Variants in CLEC16A observed in about 807,000 individuals in gnomAD.
CLEC16A encodes the protein protein CLEC16A.
In CLEC16A, 51 loss-of-function variants were observed where a neutral mutation model predicts 109.5. That is an observed-to-expected ratio of 0.47 (90% CI 0.37 to 0.59). The LOEUF (loss-of-function observed/expected upper bound fraction) is 0.59, where lower values mean the gene tolerates loss of function less well. Among genes scored for constraint, CLEC16A ranks in the 20% least tolerant of loss-of-function variants. The pLI, the probability that CLEC16A is intolerant of heterozygous loss-of-function variation, is 0.00. For missense variants in CLEC16A, 1,339 were observed against 1,394.0 expected (o/e 0.96, Z 0.63); for synonymous variants, 673 against 564.2 (o/e 1.19, Z -2.73).
intron 10 of CLEC16A, among the ~76,000 whole-genome samples, chr16:10,996,089 C>T (rs983669489): frequency 1.3e-5 from 2 of 152,176 alleles, no homozygotes; most frequent in Non-Finnish European, 2.9e-5. Flanking sequence ...GCCCTTACAT[C>T]CCCTTTCCTG....
intron 20 of CLEC16A, 83 bp downstream of exon 20, chr16:11,120,849 T>A (rs2052358162): frequency 8.6e-7 from 1 of 1,159,350 alleles, no homozygotes; most frequent in African/African-American, 1.6e-5. Context: ...CCACACACAA[T>A]TGTCATCTTT....
At chr16:11,090,811 ATTTTTTTTTTTTTTT>A (rs71136616) in intron 19 of CLEC16A, among the ~76,000 whole-genome samples, 1 of 80,682 alleles carries the variant, frequency 1.2e-5, no homozygotes, top group African/African-American at 5.7e-5. Flanking sequence ...TACCCAGCTA[ATTTTTTTTTTTTTTT>A]TTTTTTTTTT....
chr16:11,026,919 C>T (rs1597106894), intron 13 of CLEC16A: 3 of 945,418 alleles, frequency 3.2e-6, no homozygotes, highest in Non-Finnish European at 5.0e-6. Context: ...CTGGGTCCTC[C>T]AGCGTGAGCT....
In CLEC16A at chr16:11,157,145, T is replaced by A. The variant is rs903346004; in HGVS notation, c.2642-9243T>A. ...GATAAAGAGCTATAGGCTAAAAGAC[T>A]CTGCAAGTTCCCAGCTATTTTTGTA... On this transcript the variant is annotated intron_variant, in intron 22 of 23. Coordinates refer to ENST00000409790, the MANE Select transcript of CLEC16A (RefSeq NM_015226.3). The A allele has an allele frequency of 3.9e-6, 5 of 1,271,148 alleles. No individual in the cohort carries two copies. In the African/African-American group the frequency reaches 7.8e-5, roughly 20 times the overall value. 78.7% of individuals were successfully genotyped at this position (1,271,148 alleles called of 1,614,324 possible). A position where few individuals can be genotyped will look rare whatever the true frequency, so the allele number is the denominator to read the frequency against.
chr16:11,159,089 C>T (rs933134494), intron 22 of CLEC16A, among the ~76,000 whole-genome samples: 1 of 152,116 alleles, frequency 6.6e-6, no homozygotes, highest in Admixed American at 6.5e-5. Flanking sequence ...TGTCAAAATC[C>T]AGATATCCAG....
intron 19 of CLEC16A, among the ~76,000 whole-genome samples, chr16:11,119,537 T>A (rs1272752811): frequency 1.3e-5 from 2 of 152,060 alleles, no homozygotes; most frequent in Non-Finnish European, 2.9e-5. Context: ...ACTACAGGTG[T>A]GGGCCACCAC....
At chr16:11,012,649 ATTAC>A (rs570106389) in intron 11 of CLEC16A, among the ~76,000 whole-genome samples, 143 of 151,830 alleles carry the variant, frequency 9.4e-4, no homozygotes, top group African/African-American at 3.1e-3. Flanking sequence ...ATGTAAGATA[ATTAC>A]TTACCCGATT....
At chr16:11,089,097 G>T (rs1567301863) in intron 19 of CLEC16A, among the ~76,000 whole-genome samples, 1 of 152,050 alleles carries the variant, frequency 6.6e-6, no homozygotes, top group South Asian at 2.1e-4. Context: ...GCACACATAC[G>T]TATTCCTCTG....
chr16:11,060,027 G>A (rs1443417835), intron 18 of CLEC16A, among the ~76,000 whole-genome samples: 4 of 152,214 alleles, frequency 2.6e-5, no homozygotes, highest in Admixed American at 2.6e-4. Context: ...TGGTTGGTGG[G>A]CAAGCCTGTC....
intron 19 of CLEC16A, among the ~76,000 whole-genome samples, chr16:11,091,695 A>T (rs1395931046): frequency 1.3e-5 from 2 of 152,198 alleles, no homozygotes; most frequent in Admixed American, 1.3e-4. Context: ...TTCATCTGAA[A>T]AATGAGGAAA....
chr16:11,124,866 C>T (rs1207919398), intron 21 of CLEC16A, among the ~76,000 whole-genome samples: 7 of 152,196 alleles, frequency 4.6e-5, no homozygotes, highest in Non-Finnish European at 8.8e-5. Flanking sequence ...GCGGGTAACT[C>T]ACTTGCGCCC....
At chr16:11,054,121 G>T (rs117222557) in intron 18 of CLEC16A, among the ~76,000 whole-genome samples, 1 of 152,248 alleles carries the variant, frequency 6.6e-6, no homozygotes, top group Non-Finnish European at 1.5e-5. Flanking sequence ...GCTGGCAGGA[G>T]CCAGATCACG....
intron 19 of CLEC16A, among the ~76,000 whole-genome samples, chr16:11,085,546 G>A (rs973887763): frequency 6.6e-6 from 1 of 152,260 alleles, no homozygotes; most frequent in East Asian, 1.9e-4. Context: ...AGGAGGATTT[G>A]GTGAGAAAAT....
In CLEC16A at chr16:11,151,813, A is replaced by G. The variant is rs1161684819; in HGVS notation, c.2642-14575A>G. 5.3e-5 allele frequency among the ~76,000 whole-genome samples: 8 copies of G among 152,114 alleles called. No individual in the cohort carries two copies. The South Asian group carries it at 1.0e-3, about 20-fold the overall frequency. On this transcript the variant is annotated intron_variant, in intron 22 of 23. Coordinates refer to ENST00000409790, the MANE Select transcript of CLEC16A (RefSeq NM_015226.3). ...GCAATCAAGTAATGAGTACTCAGCC[A>G]CTTTCGGGGGGCGGGGGCCGGCTGG...
intron 23 of CLEC16A, among the ~76,000 whole-genome samples, chr16:11,169,057 C>T (rs899271043): frequency 1.3e-5 from 2 of 152,220 alleles, no homozygotes; most frequent in Non-Finnish European, 2.9e-5. Flanking sequence ...TCCTAACCGC[C>T]CACTGCCTTC....
At chr16:11,085,782 G>A (rs2049977402) in intron 19 of CLEC16A, among the ~76,000 whole-genome samples, 1 of 152,150 alleles carries the variant, frequency 6.6e-6, no homozygotes, top group Non-Finnish European at 1.5e-5. Context: ...TGTAGAGAAA[G>A]GGTTTCATCT....
chr16:10,950,168 G>A (rs748649206), intron 1 of CLEC16A, among the ~76,000 whole-genome samples: 5 of 152,154 alleles, frequency 3.3e-5, no homozygotes, highest in African/African-American at 9.7e-5. Context: ...GAAGCTGGCC[G>A]GGGTTCCTGT....
In CLEC16A at chr16:11,026,994, C is replaced by T. The variant is rs892525971; in HGVS notation, c.1537+2073C>T. On this transcript the variant is annotated intron_variant, in intron 13 of 23. Coordinates refer to ENST00000409790, the MANE Select transcript of CLEC16A (RefSeq NM_015226.3). ...CTGTCTTTCCCATGTGGTGGGGTTG[C>T]GCATGATCAGTAGCTGCACCACTAG... 72 of 1,556,190 alleles carry T rather than the reference C, an allele frequency of 4.6e-5. No homozygotes were observed. The Admixed American group carries it at 4.7e-4, about 10-fold the overall frequency.
chr16:11,116,314 G>T (rs1262901961), intron 19 of CLEC16A, among the ~76,000 whole-genome samples: 1 of 152,062 alleles, frequency 6.6e-6, no homozygotes, highest in East Asian at 1.9e-4. Context: ...AGGATCACTT[G>T]AACCCAGGAG....
Sources: gnomAD v4.1 joint callset for allele counts (sites outside exome capture counted in the v4.1 genomes callset) on GRCh38, gnomAD v4.1.1 for gene constraint, MANE v1.5 for transcripts, NCBI Gene and HGNC (gene_info 2026-07-23, HGNC 2026-07-21) for gene names.